CACNA1A: variants seen among roughly 807,000 people sequenced by gnomAD.
CACNA1A encodes voltage-dependent P/Q-type calcium channel subunit alpha-1A.
Under a neutral mutation model 262.4 loss-of-function variants are expected in CACNA1A, and 57 were observed. The ratio of observed to expected loss-of-function variants is 0.22; its 90% CI spans 0.18 to 0.27. The LOEUF (loss-of-function observed/expected upper bound fraction) is 0.27. CACNA1A is among the 10% of genes least tolerant of loss of function. The pLI, the probability that CACNA1A is intolerant of heterozygous loss-of-function variation, is 1.00. For synonymous variants in CACNA1A, 1,431 were observed against 1,419.3 expected, an observed-to-expected ratio of 1.01 and a Z score of -0.18; for missense variants, 2,526 against 3,562.8, an observed-to-expected ratio of 0.71 and a Z score of 7.41.
Position 13,209,023 on chromosome 19 carries a change from G to A in CACNA1A, c.6527-14C>T. 1 of 1,536,962 alleles carries A rather than the reference G, an allele frequency of 6.5e-7. No individual in the cohort carries two copies. The highest frequency in any genetic ancestry group is 8.7e-7 in the Non-Finnish European group (1 of 1,146,882). On this transcript the variant is annotated splice_polypyrimidine_tract_variant and intron_variant, in intron 45 of 46. Transcript: ENST00000360228. ...CTGTCCCCAAGCCTGGGCCGGGTGA[G>A]GGTCAGACAGACACACAGGTGGTCG... is the stretch of plus-strand genomic sequence containing the variant.
At chr19:13,216,647 T>C (rs907546901) in intron 38 of CACNA1A, among the ~76,000 whole-genome samples, 1 of 149,352 alleles carries the variant, frequency 6.7e-6, no homozygotes, top group Middle Eastern at 3.4e-3. Context: ...TTTTAAAAAT[T>C]TATCTATCTA....
chr19:13,255,993 C>CTT (rs542786434), intron 28 of CACNA1A, among the ~76,000 whole-genome samples: 2 of 115,368 alleles, frequency 1.7e-5, no homozygotes, highest in Non-Finnish European at 3.5e-5. Context: ...TCCCTCCTTC[C>CTT]TTTTTTTTTT....
chr19:13,360,854 C>T (rs972691787), intron 5 of CACNA1A, among the ~76,000 whole-genome samples: 2 of 152,226 alleles, frequency 1.3e-5, no homozygotes, highest in African/African-American at 4.8e-5. Flanking sequence ...AATCTGCAAA[C>T]ACTTTTAGAG....
At chr19:13,229,047 C>A in intron 36 of CACNA1A, 2 of 221,542 alleles carry the variant, frequency 9.0e-6, no homozygotes, top group Non-Finnish European at 1.6e-5. Flanking sequence ...CCACAGTCTA[C>A]ATGGGCTACA....
At chr19:13,479,492 T>A (rs1271989730) in intron 1 of CACNA1A, among the ~76,000 whole-genome samples, 1 of 43,602 alleles carries the variant, frequency 2.3e-5, no homozygotes, top group Non-Finnish European at 5.6e-5. Flanking sequence ...GCTGGGTGAG[T>A]GAGGCCAGAG....
chr19:13,457,478 A>C (rs2061035074), intron 1 of CACNA1A, among the ~76,000 whole-genome samples: 3 of 152,208 alleles, frequency 2.0e-5, no homozygotes, highest in African/African-American at 7.2e-5. Flanking sequence ...AGATGGAAAC[A>C]ACCTAAATTT....
intron 1 of CACNA1A, among the ~76,000 whole-genome samples, chr19:13,485,007 C>T (rs28592203): frequency 1.3e-5 from 2 of 152,172 alleles, no homozygotes; most frequent in African/African-American, 2.4e-5. Context: ...CTGTCATATC[C>T]GTCACTGTAA....
At chr19:13,361,392 A>T (rs1466303564) in intron 5 of CACNA1A, among the ~76,000 whole-genome samples, 1 of 152,184 alleles carries the variant, frequency 6.6e-6, no homozygotes, top group Admixed American at 6.5e-5. Flanking sequence ...GAAAGCTCAC[A>T]TCTGGGAGTG....
At chr19:13,330,024 G>A (rs1417200167) in intron 10 of CACNA1A, among the ~76,000 whole-genome samples, 1 of 152,128 alleles carries the variant, frequency 6.6e-6, no homozygotes, top group Non-Finnish European at 1.5e-5. Context: ...ATGCTTCATG[G>A]GGATCATTTA....
At position 13,307,988 on chromosome 19, in the gene CACNA1A, G is replaced by C. The variant is rs1329962050; in HGVS notation, c.1913+132C>G. 2.9e-6 allele frequency: 4 copies of C among 1,392,522 alleles called. No homozygotes were observed. In the African/African-American group the frequency reaches 4.3e-5, roughly 15 times the overall value. 86.3% of individuals were successfully genotyped at this position (1,392,522 alleles called of 1,614,324 possible). On this transcript the variant is annotated intron_variant, in intron 14 of 46. Coordinates refer to ENST00000360228, the MANE Select transcript of CACNA1A (RefSeq NM_001127222.2). ...CAGGAAACCCTGAGTGGTACCCAGGGCCCTGCCCATTTGGGTGACCGCAAT... is the reference window on the plus strand; with the variant it reads ...CAGGAAACCCTGAGTGGTACCCAGGCCCCTGCCCATTTGGGTGACCGCAAT...
intron 3 of CACNA1A, among the ~76,000 whole-genome samples, chr19:13,372,293 C>T (rs1208968346): frequency 2.6e-5 from 4 of 152,102 alleles, no homozygotes; most frequent in African/African-American, 9.7e-5. Context: ...CTCAGCCTCC[C>T]GAGTAGCTGG....
intron 1 of CACNA1A, among the ~76,000 whole-genome samples, chr19:13,486,740 AT>A (rs1225807498): frequency 6.6e-6 from 1 of 150,808 alleles, no homozygotes; most frequent in Admixed American, 6.6e-5. Flanking sequence ...CATCCCTTCC[AT>A]CTTTGTCTCT....
chr19:13,338,978 G>A (rs998079458), intron 6 of CACNA1A, among the ~76,000 whole-genome samples: 6 of 151,958 alleles, frequency 3.9e-5, no homozygotes, highest in African/African-American at 1.5e-4. Context: ...CAATTCTCTT[G>A]CCTCAGCCTC....
chr19:13,417,042 T>C (rs970981661), intron 3 of CACNA1A, among the ~76,000 whole-genome samples: 2 of 152,172 alleles, frequency 1.3e-5, no homozygotes, highest in African/African-American at 4.8e-5. Context: ...AAAGAATGTT[T>C]CCAAGAATGG....
intron 1 of CACNA1A, among the ~76,000 whole-genome samples, chr19:13,475,548 T>C (rs1978426908): frequency 2.0e-5 from 3 of 152,192 alleles, no homozygotes. Context: ...AATGACACTC[T>C]ACTCTGTGCC....
At chr19:13,416,207 C>G (rs920968825) in intron 3 of CACNA1A, among the ~76,000 whole-genome samples, 1 of 152,162 alleles carries the variant, frequency 6.6e-6, no homozygotes, top group Non-Finnish European at 1.5e-5. Flanking sequence ...CTCAAGCGAT[C>G]CTCCTGCCTC....
intron 21 of CACNA1A, 83 bp downstream of exon 21, chr19:13,284,985 T>C: frequency 7.2e-7 from 1 of 1,391,418 alleles, no homozygotes; most frequent in Non-Finnish European, 1.0e-6. Flanking sequence ...CAACACTCAC[T>C]CATTGCCCTC....
chr19:13,443,951 G>A (rs2060767405), intron 3 of CACNA1A, among the ~76,000 whole-genome samples: 1 of 152,136 alleles, frequency 6.6e-6, no homozygotes, highest in Non-Finnish European at 1.5e-5. Context: ...AACTCTTAAT[G>A]TAGTCCCTGG....
chr19:13,339,189 T>A (rs2058632464), intron 6 of CACNA1A, among the ~76,000 whole-genome samples: 1 of 152,036 alleles, frequency 6.6e-6, no homozygotes, highest in Admixed American at 6.6e-5. Flanking sequence ...TAGTCAACTT[T>A]ACCTTAAAAA....
Sources: gnomAD v4.1 joint callset for allele counts (sites outside exome capture counted in the v4.1 genomes callset) on GRCh38, gnomAD v4.1.1 for gene constraint, MANE v1.5 for transcripts, NCBI Gene and HGNC (gene_info 2026-07-23, HGNC 2026-07-21) for gene names.